Variants in HTR2A observed in about 807,000 individuals in gnomAD.
HTR2A encodes the protein 5-HT2 receptor.
In HTR2A, 14 loss-of-function variants were observed where a neutral mutation model predicts 31.0. The observed-to-expected ratio is 0.45, with a 90% CI of 0.30 to 0.71. The LOEUF is 0.71. Among genes scored for constraint, HTR2A ranks in the 30% least tolerant of loss-of-function variants. The pLI, the probability that HTR2A is intolerant of heterozygous loss-of-function variation, is 0.09. For synonymous variants in HTR2A, 209 were observed against 225.2 expected, an observed-to-expected ratio of 0.93 and a Z score of 0.64; for missense variants, 442 against 573.3, an observed-to-expected ratio of 0.77 and a Z score of 2.34.
At chr13:46,843,808 C>A (rs567671169) in intron 3 of HTR2A, among the ~76,000 whole-genome samples, 1 of 152,066 alleles carries the variant, frequency 6.6e-6, no homozygotes, top group South Asian at 2.1e-4. Context: ...TTAGGAGTGG[C>A]GGCTGGAGGG....
Position 46,896,216 on chromosome 13 carries a change from G to C in HTR2A, c.-310C>G. ...AGAGGTTGCAGGGTTTTTTTTGAGC[G>C]CTCGGGAAGATAAATGTCCTGGACA... On this transcript the variant is annotated 5_prime_UTR_variant, in exon 2 of 4. Coordinates refer to ENST00000542664, the MANE Select transcript of HTR2A (RefSeq NM_000621.5). The C allele has an allele frequency of 8.7e-7, 1 of 1,149,586 alleles. No individual in the cohort carries two copies. Among genetic ancestry groups the C allele is most frequent in the African/African-American group, 1.6e-5 (1 of 62,254 alleles). The allele number at this position is 1,149,586 out of a possible 1,614,324, so 71.2% of individuals were successfully genotyped here. A position where few individuals can be genotyped will look rare whatever the true frequency, so the allele number is the denominator to read the frequency against.
intron 3 of HTR2A, among the ~76,000 whole-genome samples, chr13:46,838,886 G>A (rs1300671809): frequency 2.0e-5 from 3 of 152,020 alleles, no homozygotes; most frequent in Admixed American, 1.3e-4. Context: ...ATGTACATAA[G>A]TGGCAATTCT....
At chr13:46,862,482 C>T (rs1950787621) in intron 3 of HTR2A, among the ~76,000 whole-genome samples, 1 of 152,030 alleles carries the variant, frequency 6.6e-6, no homozygotes, top group Non-Finnish European at 1.5e-5. Context: ...AAAAGTTAGC[C>T]AGGGGGAAAT....
rs1876332980 is a variant in HTR2A at position 46,833,731 on chromosome 13, T to G, written c.*1106A>C. ...TTTTATATTTCTCATATCTAGAAAT[T>G]TGCTTCACACATAAATGTACACTCA... On this transcript the variant is annotated 3_prime_UTR_variant, in exon 4 of 4. Coordinates refer to ENST00000542664, the MANE Select transcript of HTR2A (RefSeq NM_000621.5). The G allele has an allele frequency of 6.6e-6, 1 of 152,174 alleles. No individual in the cohort carries two copies. The highest frequency in any genetic ancestry group is 1.5e-5 in the Non-Finnish European group (1 of 68,026). 9.4% of individuals were successfully genotyped at this position (152,174 alleles called of 1,614,324 possible). A position where few individuals can be genotyped will look rare whatever the true frequency, so the allele number is the denominator to read the frequency against.
chr13:46,891,743 C>T (rs1470612542), intron 3 of HTR2A, among the ~76,000 whole-genome samples: 1 of 152,220 alleles, frequency 6.6e-6, no homozygotes, highest in African/African-American at 2.4e-5. Flanking sequence ...CCTTAGCTTC[C>T]ATTACCTGGG....
chr13:46,853,163 G>A (rs1341753281), intron 3 of HTR2A, among the ~76,000 whole-genome samples: 3 of 152,128 alleles, frequency 2.0e-5, no homozygotes, highest in South Asian at 2.1e-4. Context: ...ATAAGATGCC[G>A]TGATTAATAT....
At chr13:46,843,683 G>A (rs1950618202) in intron 3 of HTR2A, among the ~76,000 whole-genome samples, 1 of 152,120 alleles carries the variant, frequency 6.6e-6, no homozygotes, top group African/African-American at 2.4e-5. Context: ...AACGGCTACT[G>A]GGAGGTACAG....
At chr13:46,849,557 G>T (rs145301956) in intron 3 of HTR2A, among the ~76,000 whole-genome samples, 70 of 152,216 alleles carry the variant, frequency 4.6e-4, no homozygotes, top group African/African-American at 1.6e-3. Context: ...AGCTGGACTG[G>T]CTGCTTTCTG....
upstream of HTR2A, among the ~76,000 whole-genome samples, chr13:46,897,892 G>C (rs1368627989): frequency 6.6e-6 from 1 of 152,118 alleles, no homozygotes; most frequent in Non-Finnish European, 1.5e-5. Flanking sequence ...GGGAGACCTT[G>C]ACCTCAGCAT....
At chr13:46,879,858 A>G (rs192728207) in intron 3 of HTR2A, among the ~76,000 whole-genome samples, 3 of 152,264 alleles carry the variant, frequency 2.0e-5, no homozygotes, top group Admixed American at 1.3e-4. Context: ...TACAAAAATT[A>G]GCCAGGTGTG....
rs7996679 is a variant in HTR2A, at chr13:46,896,158, C to T, written c.-252G>A. The T allele has an allele frequency of 2.3e-5, 28 of 1,214,026 alleles. No homozygotes were observed. Among genetic ancestry groups the T allele is most frequent in the Non-Finnish European group, 2.7e-5 (26 of 977,026 alleles). 75.2% of individuals were successfully genotyped at this position (1,214,026 alleles called of 1,614,324 possible). On this transcript the variant is annotated 5_prime_UTR_variant, in exon 2 of 4. Transcript: ENST00000542664. ...TGGTTTTATTATTTTCTCACCAAAC[C>T]GAGGACAAAAAAGCAGAATGAACTT... is the stretch of plus-strand genomic sequence containing the variant.
intron 3 of HTR2A, among the ~76,000 whole-genome samples, chr13:46,866,469 A>G (rs745442315): frequency 1.3e-5 from 2 of 152,230 alleles, no homozygotes; most frequent in Non-Finnish European, 2.9e-5. Context: ...CACAGTGTAA[A>G]CAGTAATGCA....
Position 46,855,072 on chromosome 13 carries a change from G to C in HTR2A, c.614-19433C>G, listed in dbSNP as rs143701916. On this transcript the variant is annotated intron_variant, in intron 3 of 3. Transcript: ENST00000542664. ...CACCAAATTGACTAATGTCCCCCCA[G>C]AGCTAAGAAGAGGCCATGGAACAGC... Among the ~76,000 whole-genome samples the C allele has an allele frequency of 4.7e-3, 719 of 152,264 alleles. 6 individuals carry two copies. Among genetic ancestry groups the C allele is most frequent in the African/African-American group, 0.016 (674 of 41,548 alleles).
At chr13:46,896,360 T>C (rs1240048374) in intron 1 of HTR2A, 126 bp from the exon 2 acceptor site, 8 of 476,486 alleles carry the variant, frequency 1.7e-5, no homozygotes, top group African/African-American at 1.6e-4. Flanking sequence ...TCAGAAACAG[T>C]GGGGATGTAC....
At position 46,834,698 on chromosome 13, in the gene HTR2A, A is replaced by G; in HGVS notation, c.*139T>C. The G allele has an allele frequency of 3.2e-6, 2 of 630,892 alleles. No individual in the cohort carries two copies. Among genetic ancestry groups the G allele is most frequent in the African/African-American group, 1.8e-5 (1 of 54,750 alleles). 39.1% of individuals were successfully genotyped at this position (630,892 alleles called of 1,614,324 possible). On this transcript the variant is annotated 3_prime_UTR_variant, in exon 4 of 4. Transcript: ENST00000542664. ...GCATTGAACCCCGCTTTTCATTGAC[A>G]GAATAAAATGAGGCATACAGATATG...
chr13:46,840,171 C>T (rs1369004099), intron 3 of HTR2A, among the ~76,000 whole-genome samples: 2 of 152,102 alleles, frequency 1.3e-5, no homozygotes, highest in Non-Finnish European at 2.9e-5. Flanking sequence ...GTTATAAGAA[C>T]AAATTTACTA....
rs561248503 is a variant in HTR2A, at chr13:46,844,414, G to A, written c.614-8775C>T. Among the ~76,000 whole-genome samples the A allele has an allele frequency of 2.6e-5, 4 of 152,158 alleles. No homozygotes were observed. The East Asian group carries it at 7.7e-4, about 29-fold the overall frequency. On this transcript the variant is annotated intron_variant, in intron 3 of 3. Transcript: ENST00000542664. ...AGGCTGCCAATTAGCCACATAGGGT[G>A]GAAAAAAGAAAATGGACATTTGTAT...
At chr13:46,894,804 A>G (rs973755473) in intron 2 of HTR2A, among the ~76,000 whole-genome samples, 2 of 152,126 alleles carry the variant, frequency 1.3e-5, no homozygotes, top group African/African-American at 4.8e-5. Flanking sequence ...ATCCCTTCCC[A>G]TTTGTTTCCC....
chr13:46,845,991 G>T (rs946907025), intron 3 of HTR2A, among the ~76,000 whole-genome samples: 3 of 152,096 alleles, frequency 2.0e-5, no homozygotes, highest in African/African-American at 7.2e-5. Flanking sequence ...ATTGTCTATG[G>T]GGTTCAGTAC....
Sources: allele counts gnomAD v4.1 joint callset (sites outside exome capture counted in the v4.1 genomes callset), GRCh38; gene constraint gnomAD v4.1.1; transcripts MANE v1.5; gene names NCBI Gene and HGNC (gene_info 2026-07-23, HGNC 2026-07-21).